PIK3C2G: variants seen among roughly 807,000 people sequenced by gnomAD.
PIK3C2G encodes the protein phosphatidylinositol 3-kinase C2 domain-containing subunit gamma.
Under a neutral mutation model 181.1 loss-of-function variants are expected in PIK3C2G, and 168 were observed. That is an observed-to-expected ratio of 0.93 (90% CI 0.82 to 1.05). The LOEUF (loss-of-function observed/expected upper bound fraction) is 1.05, where lower values mean the gene tolerates loss of function less well. PIK3C2G is among the 50% of genes least tolerant of loss of function. The pLI is 0.00. For synonymous variants in PIK3C2G, 573 were observed against 592.2 expected, an observed-to-expected ratio of 0.97 and a Z score of 0.47; for missense variants, 1,869 against 1,732.8, an observed-to-expected ratio of 1.08 and a Z score of -1.40.
At chr12:18,410,510 G>GAAAAAAA (rs1184793762) in intron 16 of PIK3C2G, among the ~76,000 whole-genome samples, 1 of 85,416 alleles carries the variant, frequency 1.2e-5, no homozygotes, top group African/African-American at 4.1e-5. Context: ...ATCTCAGAAA[G>GAAAAAAA]AAAAAAAAAA....
At chr12:18,450,517 C>T (rs893160584) in intron 18 of PIK3C2G, among the ~76,000 whole-genome samples, 3 of 151,850 alleles carry the variant, frequency 2.0e-5, no homozygotes, top group African/African-American at 7.3e-5. Flanking sequence ...AAAAATGTTC[C>T]CTCCTTCTGT....
chr12:18,602,857 A>T (rs368125258), intron 30 of PIK3C2G, among the ~76,000 whole-genome samples: 37 of 152,292 alleles, frequency 2.4e-4, no homozygotes, highest in African/African-American at 8.4e-4. Context: ...CCCATGGGAC[A>T]AAAAAATCTG....
At chr12:18,268,994 C>T (rs1421168394) in intron 1 of PIK3C2G, among the ~76,000 whole-genome samples, 4 of 151,974 alleles carry the variant, frequency 2.6e-5, no homozygotes, top group African/African-American at 9.7e-5. Flanking sequence ...GTGCTCCAAC[C>T]TCCACCTCCT....
At chr12:18,548,536 G>T (rs1944558102) in intron 26 of PIK3C2G, among the ~76,000 whole-genome samples, 1 of 151,980 alleles carries the variant, frequency 6.6e-6, no homozygotes, top group African/African-American at 2.4e-5. Context: ...GGATATCAGT[G>T]ATCTTGCCTA....
intron 18 of PIK3C2G, among the ~76,000 whole-genome samples, chr12:18,482,005 TTTC>T (rs1939605836): frequency 6.6e-6 from 1 of 152,170 alleles, no homozygotes; most frequent in Non-Finnish European, 1.5e-5. Context: ...AATACTACCT[TTTC>T]CCTTTCACAT....
chr12:18,511,082 A>ATT (rs34976227), intron 24 of PIK3C2G, among the ~76,000 whole-genome samples: 1 of 151,748 alleles, frequency 6.6e-6, no homozygotes, highest in East Asian at 1.9e-4. Context: ...AGATCATGTG[A>ATT]TTTTTTCTGT....
chr12:18,590,964 T>C (rs530818295), intron 29 of PIK3C2G, among the ~76,000 whole-genome samples: 11 of 152,076 alleles, frequency 7.2e-5, no homozygotes, highest in African/African-American at 2.6e-4. Flanking sequence ...AAGATTTCTT[T>C]CCTACTATTG....
At chr12:18,669,713 A>C in the PIK3C2G span, among the ~76,000 whole-genome samples, 3 of 151,932 alleles carry the variant, frequency 2.0e-5, no homozygotes, top group Non-Finnish European at 4.4e-5. Flanking sequence ...GCTAGAGTCC[A>C]GAGATGTAAT....
chr12:18,362,169 G>A lies in PIK3C2G; in HGVS notation c.1626-595G>A, dbSNP rs373000497. On this transcript the variant is annotated intron_variant, in intron 11 of 32. Transcript: ENST00000538779. ...TTTTTTAAAAAAATCATTCTATGCT[G>A]AGTTGTGGAGAGAGGCAATAGCAAG... Among the ~76,000 whole-genome samples, 48 of 152,220 alleles carry A rather than the reference G, an allele frequency of 3.2e-4. 1 individual carries two copies. Among genetic ancestry groups the A allele is most frequent in the African/African-American group, 1.1e-3 (47 of 41,540 alleles).
At chr12:18,544,400 C>A (rs559100895) in intron 25 of PIK3C2G, among the ~76,000 whole-genome samples, 3 of 151,744 alleles carry the variant, frequency 2.0e-5, no homozygotes, top group African/African-American at 7.2e-5. Flanking sequence ...GGATCTTAGG[C>A]AGATAACAGA....
At chr12:18,354,699 C>A (rs1386142831) in intron 11 of PIK3C2G, among the ~76,000 whole-genome samples, 1 of 152,136 alleles carries the variant, frequency 6.6e-6, no homozygotes, top group South Asian at 2.1e-4. Flanking sequence ...CATTTTTCCT[C>A]CAGATTTGGA....
At chr12:18,291,071 C>G (rs1453147897) in intron 4 of PIK3C2G, 59 bp downstream of exon 4, 2 of 990,398 alleles carry the variant, frequency 2.0e-6, no homozygotes, top group Non-Finnish European at 3.0e-6. Flanking sequence ...GGCGACGTAG[C>G]CTTGAATTCA....
intron 1 of PIK3C2G, among the ~76,000 whole-genome samples, chr12:18,250,884 A>C (rs1948089137): frequency 6.6e-6 from 1 of 151,996 alleles, no homozygotes; most frequent in Non-Finnish European, 1.5e-5. Context: ...TATACTCAAA[A>C]TATACGTAAA....
intron 18 of PIK3C2G, among the ~76,000 whole-genome samples, chr12:18,463,946 C>G (rs893683146): frequency 6.6e-6 from 1 of 152,134 alleles, no homozygotes. Flanking sequence ...CCCAGATATT[C>G]AGTGTCCTTT....
At chr12:18,316,268 A>G (rs1030857516) in intron 6 of PIK3C2G, among the ~76,000 whole-genome samples, 2 of 152,196 alleles carry the variant, frequency 1.3e-5, no homozygotes, top group African/African-American at 4.8e-5. Flanking sequence ...GCAGTTACAT[A>G]GTGTAGCTGA....
intron 24 of PIK3C2G, among the ~76,000 whole-genome samples, chr12:18,516,107 C>A (rs1014934063): frequency 2.0e-5 from 3 of 151,986 alleles, no homozygotes; most frequent in Admixed American, 1.3e-4. Flanking sequence ...TGTTAGCATT[C>A]TTTTCATTGA....
At chr12:18,377,833 T>C (rs1197996361) in intron 13 of PIK3C2G, among the ~76,000 whole-genome samples, 2 of 152,124 alleles carry the variant, frequency 1.3e-5, no homozygotes, top group Non-Finnish European at 2.9e-5. Context: ...AAATATTACA[T>C]ATATATATGG....
At chr12:18,502,149 A>T (rs1941536217) in intron 22 of PIK3C2G, among the ~76,000 whole-genome samples, 1 of 152,324 alleles carries the variant, frequency 6.6e-6, no homozygotes, top group Admixed American at 6.5e-5. Flanking sequence ...CTGGGATGTG[A>T]AATTTCCTTC....
At chr12:18,713,534 G>T in the PIK3C2G span, among the ~76,000 whole-genome samples, 1 of 152,110 alleles carries the variant, frequency 6.6e-6, no homozygotes, top group Non-Finnish European at 1.5e-5. Context: ...AACAGTGTTG[G>T]CTACACAGTA....
Sources: allele counts gnomAD v4.1 joint callset (sites outside exome capture counted in the v4.1 genomes callset), GRCh38; gene constraint gnomAD v4.1.1; transcripts MANE v1.5; gene names NCBI Gene and HGNC (gene_info 2026-07-23, HGNC 2026-07-21).